The following KCTD16 variants were observed in gnomAD, a reference collection of about 807,000 sequenced individuals.
KCTD16 encodes the protein potassium channel tetramerization domain containing 16.
A neutral mutation model predicts 33.2 loss-of-function variants in KCTD16; 13 were observed. The ratio of observed to expected loss-of-function variants is 0.39; its 90% CI spans 0.25 to 0.62. The LOEUF (loss-of-function observed/expected upper bound fraction) is 0.62, where lower values mean the gene tolerates loss of function less well. Among genes scored for constraint, KCTD16 ranks in the 20% least tolerant of loss-of-function variants. The pLI is 0.50. For synonymous variants in KCTD16, 197 were observed against 195.3 expected, an observed-to-expected ratio of 1.01 and a Z score of -0.07; for missense variants, 441 against 525.1, an observed-to-expected ratio of 0.84 and a Z score of 1.57.
chr5:144,346,619 G>A (rs1303031291), intron 3 of KCTD16, among the ~76,000 whole-genome samples: 1 of 152,064 alleles, frequency 6.6e-6, no homozygotes, highest in Non-Finnish European at 1.5e-5. Flanking sequence ...CAGTGATGTT[G>A]AGCACCTTTT....
At chr5:144,360,508 T>C (rs560930301) in intron 3 of KCTD16, among the ~76,000 whole-genome samples, 12 of 152,072 alleles carry the variant, frequency 7.9e-5, no homozygotes, top group African/African-American at 2.7e-4. Flanking sequence ...CTCAGCTCAC[T>C]GCAACCTCTG....
intron 3 of KCTD16, among the ~76,000 whole-genome samples, chr5:144,391,023 C>G (rs1307086484): frequency 1.3e-5 from 2 of 152,190 alleles, no homozygotes; most frequent in African/African-American, 2.4e-5. Flanking sequence ...CCGCCACAAC[C>G]AATTGCTGCT....
At chr5:144,285,341 G>T (rs1399259982) in intron 3 of KCTD16, among the ~76,000 whole-genome samples, 1 of 152,294 alleles carries the variant, frequency 6.6e-6, no homozygotes, top group East Asian at 1.9e-4. Flanking sequence ...AGAGTAGTTG[G>T]CATAGCTATC....
intron 3 of KCTD16, among the ~76,000 whole-genome samples, chr5:144,292,183 A>C (rs1441078889): frequency 6.6e-6 from 1 of 152,214 alleles, no homozygotes; most frequent in African/African-American, 2.4e-5. Flanking sequence ...TAAGCCCAGG[A>C]GGGGCAGGGC....
chr5:144,372,007 T>C lies in KCTD16; in HGVS notation c.833-101653T>C, dbSNP rs113394306. 2.3e-3 allele frequency among the ~76,000 whole-genome samples: 344 copies of C among 152,242 alleles called. 5 individuals carry two copies. Among genetic ancestry groups the C allele is most frequent in the African/African-American group, 7.7e-3 (320 of 41,550 alleles). On this transcript the variant is annotated intron_variant, in intron 3 of 3. Coordinates refer to ENST00000512467, the MANE Select transcript of KCTD16 (RefSeq NM_020768.4). ...GCAAGAAGGAATAAAGAATAGGGGATTGGACATGTCTATCTGCTTGACAGG... is the reference window on the plus strand; with the variant it reads ...GCAAGAAGGAATAAAGAATAGGGGACTGGACATGTCTATCTGCTTGACAGG...
intron 2 of KCTD16, among the ~76,000 whole-genome samples, chr5:144,201,777 T>C (rs1580783638): frequency 1.3e-5 from 2 of 152,142 alleles, no homozygotes; most frequent in African/African-American, 2.4e-5. Flanking sequence ...ATTAAGATAA[T>C]GGTGATAATG....
At chr5:144,258,036 T>C (rs1381118726) in intron 3 of KCTD16, among the ~76,000 whole-genome samples, 3 of 152,196 alleles carry the variant, frequency 2.0e-5, no homozygotes, top group South Asian at 2.1e-4. Context: ...TTCACCAACA[T>C]TGATACTATT....
At chr5:144,456,211 C>CA (rs1302426506) in intron 3 of KCTD16, among the ~76,000 whole-genome samples, 4 of 151,408 alleles carry the variant, frequency 2.6e-5, no homozygotes. Context: ...CAAACCCCCC[C>CA]CAACAAAATA....
chr5:144,268,936 C>T (rs191725114), intron 3 of KCTD16, among the ~76,000 whole-genome samples: 46 of 152,018 alleles, frequency 3.0e-4, no homozygotes, highest in East Asian at 1.7e-3. Flanking sequence ...TAAAAATTAC[C>T]GTATCTGAAA....
intron 3 of KCTD16, among the ~76,000 whole-genome samples, chr5:144,281,206 ATTTTTATTATTTACTTCCTACTAATTAGT>A (rs1755600084): frequency 6.6e-6 from 1 of 152,180 alleles, no homozygotes; most frequent in African/African-American, 2.4e-5. Flanking sequence ...TTTCCATTTT[ATTTTTATTATTTACTTCCTACTAATTAGT>A]TTAAGTTCCA....
At chr5:144,180,197 T>C (rs1752592872) in intron 2 of KCTD16, among the ~76,000 whole-genome samples, 1 of 152,212 alleles carries the variant, frequency 6.6e-6, no homozygotes, top group Non-Finnish European at 1.5e-5. Context: ...ATGATGCTCC[T>C]ACATGAGAAA....
intron 3 of KCTD16, among the ~76,000 whole-genome samples, chr5:144,319,737 T>C (rs1752023928): frequency 6.6e-6 from 1 of 152,204 alleles, no homozygotes; most frequent in Non-Finnish European, 1.5e-5. Context: ...AGAATAAGTC[T>C]AATGGCAGGG....
chr5:144,348,762 AT>A (rs1752873445), intron 3 of KCTD16, among the ~76,000 whole-genome samples: 1 of 152,188 alleles, frequency 6.6e-6, no homozygotes. Flanking sequence ...ATCAAAGTAT[AT>A]TTTTTAATAG....
chr5:144,173,331 G>A (rs556073160), intron 1 of KCTD16, among the ~76,000 whole-genome samples: 357 of 152,326 alleles, frequency 2.3e-3, no homozygotes, highest in African/African-American at 8.3e-3. Context: ...GTCCTTTGCA[G>A]GGACATAGAT....
At chr5:144,316,581 CCA>C (rs1472631624) in intron 3 of KCTD16, among the ~76,000 whole-genome samples, 1 of 144,960 alleles carries the variant, frequency 6.9e-6, no homozygotes, top group Non-Finnish European at 1.5e-5. Context: ...CGCGATCTCT[CCA>C]CTCACTGCAA....
At chr5:144,392,726 G>A (rs1397180561) in intron 3 of KCTD16, among the ~76,000 whole-genome samples, 1 of 152,164 alleles carries the variant, frequency 6.6e-6, no homozygotes, top group Non-Finnish European at 1.5e-5. Flanking sequence ...CAATGAAACT[G>A]AGAGAAATAA....
chr5:144,301,240 CA>C (rs5871873), intron 3 of KCTD16, among the ~76,000 whole-genome samples: 8,522 of 74,750 alleles, frequency 0.11, 130 homozygotes, highest in Middle Eastern at 0.23. Context: ...GATTCCATCT[CA>C]AAAAAAAAAA....
intron 2 of KCTD16, among the ~76,000 whole-genome samples, chr5:144,200,866 AG>A (rs1314302060): frequency 6.6e-6 from 1 of 152,182 alleles, no homozygotes; most frequent in Non-Finnish European, 1.5e-5. Context: ...CCTCCCAAGT[AG>A]CTGGGACTAT....
intron 3 of KCTD16, among the ~76,000 whole-genome samples, chr5:144,450,670 T>C (rs1444316585): frequency 6.6e-6 from 1 of 152,114 alleles, no homozygotes; most frequent in Non-Finnish European, 1.5e-5. Flanking sequence ...CCGGAATACA[T>C]TGTGCTAAGT....
Sources: gnomAD v4.1 joint callset for allele counts (sites outside exome capture counted in the v4.1 genomes callset) on GRCh38, gnomAD v4.1.1 for gene constraint, MANE v1.5 for transcripts, NCBI Gene and HGNC (gene_info 2026-07-23, HGNC 2026-07-21) for gene names.